ADK: variants seen among roughly 807,000 people sequenced by gnomAD.
ADK encodes N6,N6-dimethyladenosine kinase.
A neutral mutation model predicts 44.7 loss-of-function variants in ADK; 24 were observed. The ratio of observed to expected loss-of-function variants is 0.54; its 90% CI spans 0.39 to 0.76. The LOEUF (loss-of-function observed/expected upper bound fraction) is 0.76. ADK is among the 30% of genes least tolerant of loss of function. ADK has a pLI of 0.00. For missense variants in ADK, 321 were observed against 425.1 expected, an observed-to-expected ratio of 0.76 and a Z score of 2.15; for synonymous variants, 128 against 142.6, an observed-to-expected ratio of 0.90 and a Z score of 0.73.
At chr10:74,498,150 A>C (rs959649623) in intron 6 of ADK, among the ~76,000 whole-genome samples, 1 of 152,144 alleles carries the variant, frequency 6.6e-6, no homozygotes, top group Non-Finnish European at 1.5e-5. Context: ...CAGCCTCCCA[A>C]AGTGCTGGAA....
At chr10:74,363,728 G>A (rs1842414019) in intron 4 of ADK, among the ~76,000 whole-genome samples, 1 of 152,094 alleles carries the variant, frequency 6.6e-6, no homozygotes, top group South Asian at 2.1e-4. Flanking sequence ...TGTCTTGTTT[G>A]CCCGGACAGA....
intron 6 of ADK, among the ~76,000 whole-genome samples, chr10:74,472,258 G>A (rs1174486301): frequency 6.6e-6 from 1 of 152,094 alleles, no homozygotes; most frequent in East Asian, 1.9e-4. Context: ...TTGAGGGAAA[G>A]CTTTCTGTTT....
At chr10:74,169,949 A>G (rs1459603887) in intron 1 of ADK, among the ~76,000 whole-genome samples, 1 of 152,216 alleles carries the variant, frequency 6.6e-6, no homozygotes, top group Admixed American at 6.5e-5. Context: ...CAAAGAGGTA[A>G]TGATTTGTCA....
At chr10:74,628,031 A>G (rs755613087) in intron 9 of ADK, among the ~76,000 whole-genome samples, 7 of 152,124 alleles carry the variant, frequency 4.6e-5, no homozygotes, top group African/African-American at 7.2e-5. Context: ...CATAATGGGG[A>G]TCATTAGGTT....
At chr10:74,247,818 CTTTTTTCCT>C (rs1400987849) in intron 3 of ADK, among the ~76,000 whole-genome samples, 1 of 152,048 alleles carries the variant, frequency 6.6e-6, no homozygotes, top group Non-Finnish European at 1.5e-5. Context: ...CTTTTACTGT[CTTTTTTCCT>C]TTTTTTCCCC....
chr10:74,234,874 T>C (rs768941930), intron 3 of ADK, among the ~76,000 whole-genome samples: 12 of 152,196 alleles, frequency 7.9e-5, no homozygotes, highest in Non-Finnish European at 1.5e-4. Flanking sequence ...TGTATTCTAA[T>C]CAGTTGCAAG....
chr10:74,211,074 G>T (rs992365321), intron 2 of ADK, among the ~76,000 whole-genome samples: 1 of 151,992 alleles, frequency 6.6e-6, no homozygotes, highest in Non-Finnish European at 1.5e-5. Context: ...TAATACAGAC[G>T]GGGTTTCACC....
chr10:74,232,438 C>T (rs1325831145), intron 3 of ADK, among the ~76,000 whole-genome samples: 2 of 151,576 alleles, frequency 1.3e-5, no homozygotes, highest in African/African-American at 2.4e-5. Flanking sequence ...GAGAGGATTG[C>T]TTGAGCCCAG....
intron 6 of ADK, among the ~76,000 whole-genome samples, chr10:74,427,872 A>G (rs1283213596): frequency 6.6e-6 from 1 of 152,176 alleles, no homozygotes; most frequent in Non-Finnish European, 1.5e-5. Context: ...AGGCTGCTGT[A>G]ATAAATTACC....
intron 4 of ADK, among the ~76,000 whole-genome samples, chr10:74,363,095 G>A (rs1448365502): frequency 1.3e-5 from 2 of 152,204 alleles, no homozygotes; most frequent in African/African-American, 4.8e-5. Context: ...TCACCCAACA[G>A]GTCCCAGTAT....
At chr10:74,509,827 A>G (rs1490547601) in intron 6 of ADK, among the ~76,000 whole-genome samples, 1 of 152,164 alleles carries the variant, frequency 6.6e-6, no homozygotes, top group African/African-American at 2.4e-5. Flanking sequence ...ATGAGTGAAA[A>G]CATACCATGT....
At chr10:74,478,794 C>A (rs1425933829) in intron 6 of ADK, among the ~76,000 whole-genome samples, 2 of 152,162 alleles carry the variant, frequency 1.3e-5, no homozygotes, top group Non-Finnish European at 2.9e-5. Context: ...TTAATAAGGT[C>A]AGAATTCATG....
At chr10:74,661,491 C>T (rs566900249) in intron 9 of ADK, among the ~76,000 whole-genome samples, 5 of 152,296 alleles carry the variant, frequency 3.3e-5, no homozygotes, top group African/African-American at 7.2e-5. Context: ...GTATACAAAG[C>T]ATTTGATGCA....
At position 74,649,638 on chromosome 10, in the gene ADK, C is replaced by T. The variant is rs1047592658; in HGVS notation, c.878-20545C>T. Among the ~76,000 whole-genome samples the T allele has an allele frequency of 6.7e-5, 10 of 149,944 alleles. No homozygotes were observed. The South Asian group carries it at 8.4e-4, about 13-fold the overall frequency. On this transcript the variant is annotated intron_variant, in intron 9 of 10. Transcript: ENST00000539909. The stretch of plus-strand genomic sequence containing the variant: ...AGACTCTATATCAAAAAAAAAAAAA[C>T]AAATTCTGTCAGTCAATCAACTAAT...
chr10:74,460,750 C>T (rs1020181468), intron 6 of ADK, among the ~76,000 whole-genome samples: 8 of 152,120 alleles, frequency 5.3e-5, no homozygotes, highest in African/African-American at 1.9e-4. Context: ...TTTGTGTCCT[C>T]TCCTCTGAAG....
At chr10:74,436,220 GATGAA>G (rs759658779) in intron 6 of ADK, among the ~76,000 whole-genome samples, 1 of 152,104 alleles carries the variant, frequency 6.6e-6, no homozygotes, top group Non-Finnish European at 1.5e-5. Context: ...AAATTCACAA[GATGAA>G]ATGAAGAAAA....
intron 3 of ADK, among the ~76,000 whole-genome samples, chr10:74,271,025 T>TG (rs1480474238): frequency 6.6e-6 from 1 of 152,214 alleles, no homozygotes; most frequent in Non-Finnish European, 1.5e-5. Flanking sequence ...CTTAATAGAA[T>TG]GCATATAGCG....
At chr10:74,386,914 C>A (rs941586601) in intron 4 of ADK, among the ~76,000 whole-genome samples, 1 of 151,546 alleles carries the variant, frequency 6.6e-6, no homozygotes, top group Non-Finnish European at 1.5e-5. Flanking sequence ...TCAGACACAG[C>A]ATGAACCACT....
chr10:74,207,436 A>G (rs1843646007), intron 2 of ADK, among the ~76,000 whole-genome samples: 3 of 152,134 alleles, frequency 2.0e-5, no homozygotes, highest in Admixed American at 2.0e-4. Flanking sequence ...TCCTGCATCC[A>G]TGAACAGTGA....
Sources: allele counts gnomAD v4.1 joint callset (sites outside exome capture counted in the v4.1 genomes callset), GRCh38; gene constraint gnomAD v4.1.1; transcripts MANE v1.5; gene names NCBI Gene and HGNC (gene_info 2026-07-23, HGNC 2026-07-21).